AVEN: variants seen among roughly 807,000 people sequenced by gnomAD.
The protein encoded by AVEN is cell death regulator Aven.
A neutral mutation model predicts 38.1 loss-of-function variants in AVEN; 41 were observed. That is an observed-to-expected ratio of 1.08 (90% CI 0.84 to 1.40). The LOEUF (loss-of-function observed/expected upper bound fraction) is 1.40, where lower values mean the gene tolerates loss of function less well. Ranked by LOEUF, AVEN falls within the 40% of genes most tolerant of loss-of-function variation. The pLI is 0.00. For missense variants in AVEN, 605 were observed against 438.8 expected, an observed-to-expected ratio of 1.38 and a Z score of -3.38; for synonymous variants, 206 against 171.8, an observed-to-expected ratio of 1.20 and a Z score of -1.56.
At chr15:33,961,364 G>A (rs1376899035) in intron 2 of AVEN, among the ~76,000 whole-genome samples, 1 of 152,140 alleles carries the variant, frequency 6.6e-6, no homozygotes, top group Non-Finnish European at 1.5e-5. Context: ...TAAAGAAACT[G>A]ATAAGTAAAT....
In AVEN at chr15:33,903,524, A is replaced by C. The variant is rs189091929; in HGVS notation, c.446-27529T>G. Among the ~76,000 whole-genome samples, 156 of 152,348 alleles carry C rather than the reference A, an allele frequency of 1.0e-3. 1 individual carries two copies. Among genetic ancestry groups the C allele is most frequent in the Non-Finnish European group, 1.9e-3 (130 of 68,038 alleles). ...TTGCAACTAAGACCCTGATTGATAC[A>C]GCATCTTGGTCTCCCTTAGACTAAT... On this transcript the variant is annotated intron_variant, in intron 2 of 5. Coordinates refer to ENST00000306730, the MANE Select transcript of AVEN (RefSeq NM_020371.3).
upstream of AVEN, among the ~76,000 whole-genome samples, chr15:34,075,227 T>A (rs1023356511): frequency 6.7e-6 from 1 of 149,338 alleles, no homozygotes; most frequent in Admixed American, 6.7e-5. Context: ...ACTGGGTAAT[T>A]TATAAAGGAA....
chr15:33,958,644 C>A (rs1895053386), intron 2 of AVEN, among the ~76,000 whole-genome samples: 1 of 151,864 alleles, frequency 6.6e-6, no homozygotes, highest in South Asian at 2.1e-4. Flanking sequence ...ATACACTTTT[C>A]CCCATACAGC....
At position 34,039,108 on chromosome 15, in the gene AVEN, C is replaced by T. The variant is rs1288808068; in HGVS notation, c.-62G>A. ...GAGCTGCGGCGGAGACGCCCTGGCC[C>T]CACCGGAAGCGGGCCGCACGGAGGA... On this transcript the variant is annotated 5_prime_UTR_variant, in exon 1 of 6. Transcript: ENST00000306730. The T allele has an allele frequency of 3.8e-6, 4 of 1,059,996 alleles. No individual in the cohort carries two copies. The African/African-American group carries it at 6.8e-5, about 18-fold the overall frequency. The allele number at this position is 1,059,996 out of a possible 1,614,324, so 65.7% of individuals were successfully genotyped here.
intron 5 of AVEN, among the ~76,000 whole-genome samples, chr15:34,053,590 A>C (rs1424244770): frequency 6.6e-6 from 1 of 152,004 alleles, no homozygotes; most frequent in African/African-American, 2.4e-5. Flanking sequence ...AGGATTCCCT[A>C]TTTCATAAAT....
chr15:34,045,706 AAAAAAAGGTGTTTCAG>A (rs1205663927), intron 5 of AVEN, among the ~76,000 whole-genome samples: 2 of 145,266 alleles, frequency 1.4e-5, no homozygotes, highest in Non-Finnish European at 3.0e-5. Flanking sequence ...TCTCATAAAA[AAAAAAAGGTGTTTCAG>A]AAAACGAAGG....
chr15:33,926,965 TA>T (rs1893630556), intron 2 of AVEN, among the ~76,000 whole-genome samples: 1 of 151,934 alleles, frequency 6.6e-6, no homozygotes, highest in African/African-American at 2.4e-5. Context: ...AGAAATAAAA[TA>T]AAAATAATTT....
At chr15:33,908,723 T>G (rs1017244190) in intron 2 of AVEN, among the ~76,000 whole-genome samples, 2 of 152,242 alleles carry the variant, frequency 1.3e-5, no homozygotes, top group Non-Finnish European at 2.9e-5. Context: ...ATTTATTCAT[T>G]TATCCATGAA....
At chr15:33,863,893 A>ACTTAGTTCAAGGTATAGG (rs1305595851), downstream of AVEN, among the ~76,000 whole-genome samples, 1 of 152,220 alleles carries the variant, frequency 6.6e-6, no homozygotes, top group Non-Finnish European at 1.5e-5. Flanking sequence ...AAGTGATCTT[A>ACTTAGTTCAAGGTATAGG]CTTAGTTCAA....
At chr15:33,882,743 C>T (rs773328218) in intron 2 of AVEN, among the ~76,000 whole-genome samples, 6 of 151,768 alleles carry the variant, frequency 4.0e-5, no homozygotes, top group East Asian at 1.9e-4. Context: ...TACAGTGGCC[C>T]GCACCTATAG....
intron 5 of AVEN, among the ~76,000 whole-genome samples, chr15:34,047,992 G>C (rs1899774842): frequency 6.6e-6 from 1 of 151,896 alleles, no homozygotes; most frequent in South Asian, 2.1e-4. Context: ...GAGTAGCTGG[G>C]ACTACAGGCA....
chr15:34,043,554 G>A (rs1045599691), upstream of AVEN, among the ~76,000 whole-genome samples: 14 of 152,150 alleles, frequency 9.2e-5, no homozygotes, highest in Non-Finnish European at 1.8e-4. Flanking sequence ...TACAGGGGGA[G>A]AGACTCTGGC....
At position 33,905,221 on chromosome 15, in the gene AVEN, A is replaced by AAC. The variant is rs1240639076; in HGVS notation, c.446-29227_446-29226insGT. ...GGTGTCAAAACAAAACAAACAAACAAAAAAACCCACAGGCTTTGGGGTCAG... is the reference window on the plus strand; with the variant it reads ...GGTGTCAAAACAAAACAAACAAACAAACAAAAACCCACAGGCTTTGGGGTCAG... On this transcript the variant is annotated intron_variant, in intron 2 of 5. Transcript: ENST00000306730. Among the ~76,000 whole-genome samples the AAC allele has an allele frequency of 2.6e-5, 4 of 151,002 alleles. No homozygotes were observed. The East Asian group carries it at 7.8e-4, about 29-fold the overall frequency.
At chr15:33,891,339 C>T (rs781543952) in intron 2 of AVEN, among the ~76,000 whole-genome samples, 19 of 152,198 alleles carry the variant, frequency 1.2e-4, no homozygotes, top group Non-Finnish European at 2.2e-4. Context: ...CCCATTAACT[C>T]GTCATTTACA....
rs772687615 is a variant in AVEN at position 33,867,713 on chromosome 15, G to T, written c.755C>A (p.Pro252His). ...TGGGTTGTCTTTGCCCAGCAACACA[G>T]GGCAGCCAGCAGCCACAGATTTCAG... ...FELKSVAAGC[P>H]VLLGKDNPSP... Residue 252 changes from proline to histidine, a missense_variant, in exon 5 of 6, where the codon CCT (proline) becomes CAT (histidine). Physicochemically the swap from Pro to His is moderately conservative, Grantham distance 77. Coordinates refer to ENST00000306730, the MANE Select transcript of AVEN (RefSeq NM_020371.3). 5 of 1,614,040 alleles carry T rather than the reference G, an allele frequency of 3.1e-6. No homozygotes were observed. The highest frequency in any genetic ancestry group is 4.2e-6 in the Non-Finnish European group (5 of 1,180,032).
downstream of AVEN, chr15:33,857,643 G>C: frequency 1.9e-6 from 2 of 1,031,930 alleles, no homozygotes; most frequent in Admixed American, 5.0e-5. Context: ...AGCTTTCTTA[G>C]CCGCCCTCCA....
intron 1 of AVEN, among the ~76,000 whole-genome samples, chr15:34,015,262 T>G (rs1053996923): frequency 1.3e-5 from 2 of 152,000 alleles, no homozygotes; most frequent in Non-Finnish European, 2.9e-5. Flanking sequence ...GGCAGGCGGG[T>G]CACGAGGTCA....
intron 2 of AVEN, among the ~76,000 whole-genome samples, chr15:33,877,003 ATAAAT>A (rs1402844594): frequency 6.6e-6 from 1 of 152,238 alleles, no homozygotes; most frequent in African/African-American, 2.4e-5. Flanking sequence ...GAAAAGAGTA[ATAAAT>A]TAATATAAAC....
rs556743350 is a variant in AVEN at position 33,951,430 on chromosome 15, G to A, written c.445+51602C>T. Among the ~76,000 whole-genome samples, 17 of 151,938 alleles carry A rather than the reference G, an allele frequency of 1.1e-4. No individual in the cohort carries two copies. The South Asian group carries it at 3.1e-3, about 28-fold the overall frequency. On this transcript the variant is annotated intron_variant, in intron 2 of 5. Transcript: ENST00000306730. The stretch of plus-strand genomic sequence containing the variant: ...GCCTGTCAAGGGGTGGGGGAGGGAG[G>A]AGGGATAGCATTAGGAGAAATACCT...
Sources: gnomAD v4.1 joint callset for allele counts (sites outside exome capture counted in the v4.1 genomes callset) on GRCh38, gnomAD v4.1.1 for gene constraint, MANE v1.5 for transcripts, NCBI Gene and HGNC (gene_info 2026-07-23, HGNC 2026-07-21) for gene names.